The following NSMCE2 variants were observed in gnomAD, a reference collection of about 807,000 sequenced individuals.
The protein encoded by NSMCE2 is NSE2 SUMO ligase component of SMC5/6 complex.
NSMCE2 carries 24 observed loss-of-function variants against 23.8 expected under a neutral mutation model. The observed-to-expected ratio is 1.01, with a 90% confidence interval of 0.73 to 1.42. The LOEUF is 1.42. Ranked by LOEUF, NSMCE2 falls within the 40% of genes most tolerant of loss-of-function variation. The pLI, the probability that NSMCE2 is intolerant of heterozygous loss-of-function variation, is 0.00. For missense variants in NSMCE2, 284 were observed against 296.5 expected, an observed-to-expected ratio of 0.96 and a Z score of 0.31; for synonymous variants, 92 against 94.1, an observed-to-expected ratio of 0.98 and a Z score of 0.13.
chr8:125,125,357 C>T (rs1323719915), intron 3 of NSMCE2, among the ~76,000 whole-genome samples: 1 of 152,218 alleles, frequency 6.6e-6, no homozygotes, highest in Non-Finnish European at 1.5e-5. Context: ...AGCTTCACAT[C>T]ATTCTCACTG....
At chr8:125,214,588 C>A (rs1488792101) in intron 5 of NSMCE2, among the ~76,000 whole-genome samples, 2 of 152,000 alleles carry the variant, frequency 1.3e-5, no homozygotes, top group Admixed American at 1.3e-4. Context: ...TTTTTTAGAC[C>A]GTTTTTAGGT....
At chr8:125,298,842 C>G (rs1828440068) in intron 5 of NSMCE2, among the ~76,000 whole-genome samples, 1 of 151,838 alleles carries the variant, frequency 6.6e-6, no homozygotes, top group African/African-American at 2.4e-5. Context: ...TAAATTAATC[C>G]TCTTAATAAC....
intron 3 of NSMCE2, among the ~76,000 whole-genome samples, chr8:125,122,221 A>G (rs770689759): frequency 2.0e-5 from 3 of 150,954 alleles, no homozygotes; most frequent in Non-Finnish European, 2.9e-5. Context: ...GAAATGTACT[A>G]TGCTAGAAAT....
intron 5 of NSMCE2, among the ~76,000 whole-genome samples, chr8:125,316,849 G>C (rs1338518790): frequency 1.3e-5 from 2 of 150,594 alleles, no homozygotes; most frequent in Non-Finnish European, 2.9e-5. Flanking sequence ...CATGATCACA[G>C]TTCACTGCAG....
intron 5 of NSMCE2, among the ~76,000 whole-genome samples, chr8:125,343,634 G>A (rs1029843235): frequency 2.6e-5 from 4 of 151,570 alleles, no homozygotes; most frequent in Admixed American, 6.6e-5. Context: ...GCAAGACCCT[G>A]TCTAAAAATT....
chr8:125,181,280 T>A (rs1416625812), intron 4 of NSMCE2, among the ~76,000 whole-genome samples: 2 of 151,998 alleles, frequency 1.3e-5, no homozygotes, highest in African/African-American at 4.8e-5. Flanking sequence ...TTTTAAAAAA[T>A]GGGTGTGAAG....
At chr8:125,270,357 C>G (rs6985382) in intron 5 of NSMCE2, among the ~76,000 whole-genome samples, 1 of 151,904 alleles carries the variant, frequency 6.6e-6, no homozygotes, top group Non-Finnish European at 1.5e-5. Context: ...CCCAGCTACT[C>G]GGGAGGCTAA....
chr8:125,308,671 C>G (rs1484777549), intron 5 of NSMCE2, among the ~76,000 whole-genome samples: 2 of 152,180 alleles, frequency 1.3e-5, no homozygotes, highest in Non-Finnish European at 2.9e-5. Flanking sequence ...AAAGGTGATA[C>G]ACACAAAAGC....
At chr8:125,126,299 AG>A (rs1344389803) in intron 3 of NSMCE2, among the ~76,000 whole-genome samples, 4 of 151,248 alleles carry the variant, frequency 2.6e-5, no homozygotes, top group African/African-American at 9.7e-5. Context: ...TTCAACCCAG[AG>A]GCAGAGGTTG....
At chr8:125,321,238 T>C (rs977361692) in intron 5 of NSMCE2, among the ~76,000 whole-genome samples, 7 of 152,228 alleles carry the variant, frequency 4.6e-5, no homozygotes, top group African/African-American at 1.7e-4. Context: ...TCATAAATGG[T>C]AACTACATGA....
intron 5 of NSMCE2, among the ~76,000 whole-genome samples, chr8:125,325,606 C>G (rs1382659714): frequency 6.6e-6 from 1 of 152,102 alleles, no homozygotes. Context: ...CTCAGACTAC[C>G]AAAATGCTAG....
intron 5 of NSMCE2, among the ~76,000 whole-genome samples, chr8:125,355,472 G>A (rs1405307265): frequency 2.0e-5 from 3 of 152,150 alleles, no homozygotes; most frequent in African/African-American, 7.2e-5. Context: ...GGCCAAGGCG[G>A]GCAGATCACC....
intron 3 of NSMCE2, among the ~76,000 whole-genome samples, chr8:125,117,367 G>A (rs1278377237): frequency 6.6e-6 from 1 of 151,928 alleles, no homozygotes; most frequent in African/African-American, 2.4e-5. Flanking sequence ...GATTACAGGC[G>A]TGAGCCACTG....
intron 5 of NSMCE2, among the ~76,000 whole-genome samples, chr8:125,326,875 G>C (rs575503359): frequency 6.6e-6 from 1 of 151,458 alleles, no homozygotes; most frequent in Admixed American, 6.6e-5. Flanking sequence ...AGAATCACTT[G>C]AACCCAGGAG....
At position 125,259,423 on chromosome 8, in the gene NSMCE2, C is replaced by G. The variant is rs1826586820; in HGVS notation, c.418+77167C>G. Among the ~76,000 whole-genome samples the G allele has an allele frequency of 2.0e-5, 3 of 152,154 alleles. 1 individual carries two copies. Among genetic ancestry groups the G allele is most frequent in the Admixed American group, 2.0e-4 (3 of 15,286 alleles). On this transcript the variant is annotated intron_variant, in intron 5 of 7. Coordinates refer to ENST00000287437, the MANE Select transcript of NSMCE2 (RefSeq NM_173685.4). The stretch of plus-strand genomic sequence containing the variant: ...TTAGATTCTGATAGAAGCATGAGCC[C>G]TATTGGTTGTGCACTCCTTATGAAA...
At chr8:125,220,742 A>T (rs920631147) in intron 5 of NSMCE2, among the ~76,000 whole-genome samples, 116 of 152,222 alleles carry the variant, frequency 7.6e-4, no homozygotes, top group African/African-American at 2.8e-3. Context: ...CTTTCAGAAG[A>T]TTGAAATCCA....
At chr8:125,278,267 G>A (rs575744712) in intron 5 of NSMCE2, among the ~76,000 whole-genome samples, 6 of 152,320 alleles carry the variant, frequency 3.9e-5, no homozygotes, top group East Asian at 3.9e-4. Context: ...ACATTCCTGC[G>A]GAGATATTGA....
chr8:125,182,462 T>G, intron 5 of NSMCE2: 1 of 575,568 alleles, frequency 1.7e-6, no homozygotes, highest in East Asian at 3.1e-5. Context: ...GCCAACAGTT[T>G]CCACAAAGTG....
intron 5 of NSMCE2, among the ~76,000 whole-genome samples, chr8:125,270,419 C>T (rs916312609): frequency 1.3e-5 from 2 of 151,994 alleles, no homozygotes; most frequent in Admixed American, 6.6e-5. Context: ...GAGCCGAGAT[C>T]GCACCACTGC....
Sources: gnomAD v4.1 joint callset for allele counts (sites outside exome capture counted in the v4.1 genomes callset) on GRCh38, gnomAD v4.1.1 for gene constraint, MANE v1.5 for transcripts, NCBI Gene and HGNC (gene_info 2026-07-23, HGNC 2026-07-21) for gene names.